PEX14: variants seen among roughly 807,000 people sequenced by gnomAD.
The protein encoded by PEX14 is peroxisomal membrane protein PEX14.
In PEX14, 15 loss-of-function variants were observed where a neutral mutation model predicts 49.5. That is an observed-to-expected ratio of 0.30 (90% CI 0.20 to 0.47). The LOEUF (loss-of-function observed/expected upper bound fraction) is 0.47, where lower values mean the gene tolerates loss of function less well. PEX14 is among the 20% of genes least tolerant of loss of function. The pLI is 1.00. For missense variants in PEX14, 398 were observed against 494.8 expected (o/e 0.80, Z 1.86); for synonymous variants, 210 against 212.7 (o/e 0.99, Z 0.11).
In PEX14 at chr1:10,529,393, A is replaced by G. The variant is rs1010104182; in HGVS notation, c.85-6820A>G. ...CCAGAGTCCTCGGCTGGACACGGAC[A>G]CCTCTCCAAAGTCACCCTTACGTCC... On this transcript the variant is annotated intron_variant, in intron 2 of 8. Transcript: ENST00000356607. This position sits in a 1 kb window ranked among gnomAD's most constrained non-coding sequence, Gnocchi z 4.2. Among the ~76,000 whole-genome samples the G allele has an allele frequency of 4.6e-5, 7 of 152,188 alleles. 1 individual carries two copies. Among genetic ancestry groups the G allele is most frequent in the African/African-American group, 1.4e-4 (6 of 41,436 alleles).
At chr1:10,545,323 T>C (rs1639137218) in intron 3 of PEX14, among the ~76,000 whole-genome samples, 1 of 152,186 alleles carries the variant, frequency 6.6e-6, no homozygotes, top group Non-Finnish European at 1.5e-5. Flanking sequence ...TAGGGACATA[T>C]AATTTCTTTT....
At chr1:10,493,734 G>A (rs1641509953) in intron 1 of PEX14, among the ~76,000 whole-genome samples, 1 of 152,222 alleles carries the variant, frequency 6.6e-6, no homozygotes, top group Admixed American at 6.5e-5. Flanking sequence ...TGAGGAAGGA[G>A]TATGGCAGAC....
chr1:10,483,599 G>A (rs1286432080), intron 1 of PEX14, among the ~76,000 whole-genome samples: 1 of 151,862 alleles, frequency 6.6e-6, no homozygotes, highest in Non-Finnish European at 1.5e-5. Flanking sequence ...ATAGGCGTGA[G>A]CCACTGCGCC....
At chr1:10,536,649 G>A (rs1013633977) in intron 3 of PEX14, 1 of 302,288 alleles carries the variant, frequency 3.3e-6, no homozygotes, top group African/African-American at 2.1e-5. Context: ...ACTAGCTTAG[G>A]TTAGGAGTTC....
intron 2 of PEX14, among the ~76,000 whole-genome samples, chr1:10,507,428 T>C (rs1641803667): frequency 6.6e-6 from 1 of 152,242 alleles, no homozygotes; most frequent in African/African-American, 2.4e-5. Flanking sequence ...TTGGAGTCTT[T>C]TGTGTGCATC....
At chr1:10,500,072 G>A (rs1180808477) in intron 2 of PEX14, among the ~76,000 whole-genome samples, 1 of 151,954 alleles carries the variant, frequency 6.6e-6, no homozygotes, top group Non-Finnish European at 1.5e-5. Context: ...TAATCAGAAG[G>A]CGTATTTTGA....
At chr1:10,558,741 A>C (rs1479731516) in intron 3 of PEX14, among the ~76,000 whole-genome samples, 1 of 141,252 alleles carries the variant, frequency 7.1e-6, no homozygotes, top group Non-Finnish European at 1.5e-5. Flanking sequence ...TGTCTCAAAA[A>C]AAAAAAAAAA....
At chr1:10,521,963 G>A (rs1310117394) in intron 2 of PEX14, among the ~76,000 whole-genome samples, 2 of 152,174 alleles carry the variant, frequency 1.3e-5, no homozygotes, top group African/African-American at 2.4e-5. Flanking sequence ...GTGGGCCCAC[G>A]TCACACACTG....
In PEX14 at chr1:10,613,375, C is replaced by G. The variant is rs569915921; in HGVS notation, c.299-4957C>G. Among the ~76,000 whole-genome samples, 1 of 152,344 alleles carries G rather than the reference C, an allele frequency of 6.6e-6. No homozygotes were observed. Among genetic ancestry groups the G allele is most frequent in the Middle Eastern group, 3.4e-3 (1 of 294 alleles). ...ACCCAAACTGGAGCCTTTGCGCAGG[C>G]TGACCTCCATGGAGCCGGGCAGAGC... On this transcript the variant is annotated intron_variant, in intron 4 of 8. Coordinates refer to ENST00000356607, the MANE Select transcript of PEX14 (RefSeq NM_004565.3). The surrounding 1 kb of genome is among the most constrained non-coding windows in gnomAD (Gnocchi z 5.0).
chr1:10,482,701 G>C (rs1346142361), intron 1 of PEX14, among the ~76,000 whole-genome samples: 1 of 152,134 alleles, frequency 6.6e-6, no homozygotes, highest in Non-Finnish European at 1.5e-5. Flanking sequence ...CAAAGTGCTG[G>C]GATTACAAGC....
At chr1:10,598,128 G>T (rs1265219380) in intron 3 of PEX14, among the ~76,000 whole-genome samples, 1 of 152,232 alleles carries the variant, frequency 6.6e-6, no homozygotes, top group Admixed American at 6.5e-5. Flanking sequence ...TAGTTTAAAA[G>T]CTCTGTGTTG....
intron 3 of PEX14, among the ~76,000 whole-genome samples, chr1:10,585,521 A>G (rs1415060872): frequency 1.3e-5 from 2 of 152,266 alleles, no homozygotes; most frequent in East Asian, 1.9e-4. Context: ...CACCTTTAGT[A>G]TAAAGATATT....
At chr1:10,505,684 ATTT>A (rs34387707) in intron 2 of PEX14, among the ~76,000 whole-genome samples, 1 of 142,156 alleles carries the variant, frequency 7.0e-6, no homozygotes, top group African/African-American at 2.6e-5. Context: ...GCTTGTGTGT[ATTT>A]TTTTTTTTTT....
intron 2 of PEX14, among the ~76,000 whole-genome samples, chr1:10,513,984 G>A (rs1349861680): frequency 1.3e-5 from 2 of 152,076 alleles, no homozygotes; most frequent in African/African-American, 2.4e-5. Flanking sequence ...TTCCCACAGC[G>A]CGTTTATATC....
chr1:10,477,363 C>A (rs74225522), intron 1 of PEX14, among the ~76,000 whole-genome samples: 22,509 of 152,212 alleles, frequency 0.15, 2,049 homozygotes, highest in South Asian at 0.3. Flanking sequence ...AGCTGCAGTG[C>A]CTGGCCAAAA....
chr1:10,608,682 A>G (rs1311290291), intron 4 of PEX14, among the ~76,000 whole-genome samples: 1 of 152,164 alleles, frequency 6.6e-6, no homozygotes. Flanking sequence ...AAGAAAAAAA[A>G]AAAATCAACT....
intron 2 of PEX14, among the ~76,000 whole-genome samples, chr1:10,521,147 T>C (rs1638280463): frequency 6.6e-6 from 1 of 152,078 alleles, no homozygotes. Flanking sequence ...TGTCTTTTCT[T>C]CCTTTATTTC....
intron 2 of PEX14, among the ~76,000 whole-genome samples, chr1:10,516,630 T>G (rs1346405144): frequency 5.9e-5 from 9 of 152,230 alleles, no homozygotes; most frequent in East Asian, 1.9e-4. Context: ...CCAAGGACAG[T>G]CTGGTCTCCC....
intron 3 of PEX14, among the ~76,000 whole-genome samples, chr1:10,598,729 T>A (rs1314408630): frequency 1.3e-5 from 2 of 152,268 alleles, no homozygotes; most frequent in Non-Finnish European, 2.9e-5. Context: ...CAGTCAGTCC[T>A]GATTTTTCTT....
Sources: allele counts gnomAD v4.1 joint callset (sites outside exome capture counted in the v4.1 genomes callset), GRCh38; gene constraint gnomAD v4.1.1; non-coding constraint Gnocchi (gnomAD v3.1); transcripts MANE v1.5; gene names NCBI Gene and HGNC (gene_info 2026-07-23, HGNC 2026-07-21).